CNTN5: variants seen among roughly 807,000 people sequenced by gnomAD.
CNTN5 encodes the protein contactin-5.
CNTN5 carries 77 observed loss-of-function variants against 129.1 expected under a neutral mutation model. The ratio of observed to expected loss-of-function variants is 0.60; its 90% CI spans 0.50 to 0.72. CNTN5 has a LOEUF of 0.72. Among genes scored for constraint, CNTN5 ranks in the 30% least tolerant of loss-of-function variants. The probability of loss-of-function intolerance (pLI) is 0.00; values close to 1 mark genes in which losing one functional copy is unlikely to be tolerated. For missense variants in CNTN5, 1,478 were observed against 1,328.8 expected (o/e 1.11, Z -1.75); for synonymous variants, 509 against 465.6 (o/e 1.09, Z -1.20).
intron 9 of CNTN5, among the ~76,000 whole-genome samples, chr11:100,053,619 G>A (rs772498088): frequency 6.6e-6 from 1 of 151,666 alleles, no homozygotes; most frequent in Non-Finnish European, 1.5e-5. Context: ...TACACTGTTG[G>A]TAGACATGTT....
At chr11:99,499,136 C>T (rs1946336646) in intron 2 of CNTN5, among the ~76,000 whole-genome samples, 1 of 152,150 alleles carries the variant, frequency 6.6e-6, no homozygotes, top group Admixed American at 6.6e-5. Context: ...GTCACTGCTA[C>T]TTTGAATTCT....
chr11:99,776,397 G>GA (rs1945125505), intron 3 of CNTN5, among the ~76,000 whole-genome samples: 1 of 151,824 alleles, frequency 6.6e-6, no homozygotes, highest in Non-Finnish European at 1.5e-5. Context: ...ACCATTTATA[G>GA]AAAAAATTTC....
intron 24 of CNTN5, among the ~76,000 whole-genome samples, chr11:100,353,529 C>T (rs1160469754): frequency 6.6e-6 from 1 of 151,572 alleles, no homozygotes; most frequent in African/African-American, 2.4e-5. Context: ...ATAAAAGTGT[C>T]AGGTAAGTTG....
chr11:99,667,351 G>A (rs938554232), intron 3 of CNTN5, among the ~76,000 whole-genome samples: 1 of 152,040 alleles, frequency 6.6e-6, no homozygotes, highest in African/African-American at 2.4e-5. Flanking sequence ...ACCTTCCTGA[G>A]TTATGTATAA....
chr11:99,879,052 C>T (rs1483453370), intron 6 of CNTN5, among the ~76,000 whole-genome samples: 1 of 151,980 alleles, frequency 6.6e-6, no homozygotes, highest in African/African-American at 2.4e-5. Context: ...ATTCTCCTGC[C>T]TCAGCCTCCC....
intron 2 of CNTN5, among the ~76,000 whole-genome samples, chr11:99,390,957 G>T (rs936589463): frequency 6.6e-6 from 1 of 151,694 alleles, no homozygotes; most frequent in African/African-American, 2.4e-5. Flanking sequence ...TAGTTTCTTT[G>T]TACCAGTAAT....
At chr11:99,326,812 A>C (rs1256095828) in intron 2 of CNTN5, among the ~76,000 whole-genome samples, 1 of 152,178 alleles carries the variant, frequency 6.6e-6, no homozygotes, top group Non-Finnish European at 1.5e-5. Flanking sequence ...CATGGGAAAA[A>C]ATTGAGTTCC....
At chr11:100,296,840 T>C (rs1207428217) in intron 18 of CNTN5, among the ~76,000 whole-genome samples, 1 of 151,522 alleles carries the variant, frequency 6.6e-6, no homozygotes, top group African/African-American at 2.4e-5. Flanking sequence ...CGTTTAAAAA[T>C]GATATGCCGG....
Position 99,786,972 on chromosome 11 carries a change from A to G in CNTN5, c.56-32572A>G, listed in dbSNP as rs531243841. On this transcript the variant is annotated intron_variant, in intron 3 of 24. Transcript: ENST00000524871. ...CAAATTCTTATTTAGATAACTTCTT[A>G]GAAACATTTAGATGTAACAAAATGA... Among the ~76,000 whole-genome samples the G allele has an allele frequency of 1.1e-3, 161 of 152,326 alleles. 1 individual carries two copies. The highest frequency in any genetic ancestry group is 1.9e-3 in the Non-Finnish European group (127 of 68,016).
At chr11:99,175,675 A>G (rs1054317434) in intron 1 of CNTN5, among the ~76,000 whole-genome samples, 3 of 152,144 alleles carry the variant, frequency 2.0e-5, no homozygotes, top group African/African-American at 7.2e-5. Context: ...AAACCCCAGA[A>G]AAACTTTCCC....
intron 13 of CNTN5, among the ~76,000 whole-genome samples, chr11:100,101,312 G>A (rs12288349): frequency 0.011 from 1,647 of 152,184 alleles, 36 homozygotes; most frequent in African/African-American, 0.037. Context: ...AAACAGACAT[G>A]ATATTCTGAC....
intron 3 of CNTN5, among the ~76,000 whole-genome samples, chr11:99,679,197 A>AATATATATAT (rs34768290): frequency 4.9e-4 from 71 of 146,090 alleles, no homozygotes; most frequent in African/African-American, 1.7e-3. Flanking sequence ...ATATATAGGG[A>AATATATATAT]ATATATATAT....
chr11:99,675,520 T>C lies in CNTN5; in HGVS notation c.55+119251T>C, dbSNP rs115982021. Among the ~76,000 whole-genome samples the C allele has an allele frequency of 9.2e-3, 1,394 of 152,194 alleles. 22 individuals are homozygous for C. Among genetic ancestry groups the C allele is most frequent in the African/African-American group, 0.031 (1,270 of 41,520 alleles). On this transcript the variant is annotated intron_variant, in intron 3 of 24. Transcript: ENST00000524871. ...CAACATGGTGAAACCCTGTTTCTGC[T>C]AAAATATAAAAGATATTAGCTGGGC...
chr11:100,074,116 T>G, intron 12 of CNTN5, 28 bp from the exon 13 acceptor site: 1 of 1,596,522 alleles, frequency 6.3e-7, no homozygotes, highest in African/African-American at 1.4e-5. Flanking sequence ...TTGCTTCTGG[T>G]AGAAACTAAC....
At chr11:99,718,457 A>G (rs771066990) in intron 3 of CNTN5, among the ~76,000 whole-genome samples, 17 of 152,182 alleles carry the variant, frequency 1.1e-4, no homozygotes, top group Non-Finnish European at 2.1e-4. Context: ...ATTCTGATAT[A>G]TGGCCAATTT....
intron 17 of CNTN5, among the ~76,000 whole-genome samples, chr11:100,262,795 G>A (rs1262036011): frequency 1.3e-5 from 2 of 152,056 alleles, no homozygotes; most frequent in East Asian, 1.9e-4. Context: ...GCCAGGGAGT[G>A]GGGTCCTAGG....
Position 100,245,400 on chromosome 11 carries a change from C to T in CNTN5, c.2006-10360C>T, listed in dbSNP as rs548024727. Among the ~76,000 whole-genome samples, 3 of 152,104 alleles carry T rather than the reference C, an allele frequency of 2.0e-5. No individual in the cohort carries two copies. The South Asian group carries it at 6.2e-4, about 32-fold the overall frequency. On this transcript the variant is annotated intron_variant, in intron 16 of 24. Coordinates refer to ENST00000524871, the MANE Select transcript of CNTN5 (RefSeq NM_014361.4). ...ACAAGTCTCTGTCACAAGAAGATTGCCGTGATCTGATTGGCTTAGGCCTAG... is the reference window on the plus strand; with the variant it reads ...ACAAGTCTCTGTCACAAGAAGATTGTCGTGATCTGATTGGCTTAGGCCTAG...
At chr11:100,122,731 G>A (rs1262905334) in intron 13 of CNTN5, among the ~76,000 whole-genome samples, 6 of 152,050 alleles carry the variant, frequency 3.9e-5, no homozygotes, top group Non-Finnish European at 7.4e-5. Flanking sequence ...CAGAGGGGAG[G>A]TCAGAGCCAA....
At chr11:100,000,686 C>T (rs1389547513) in intron 8 of CNTN5, among the ~76,000 whole-genome samples, 5 of 152,200 alleles carry the variant, frequency 3.3e-5, no homozygotes, top group Non-Finnish European at 7.3e-5. Context: ...CTCTGCATTG[C>T]CCTAGTAGAG....
Sources: gnomAD v4.1 joint callset for allele counts (sites outside exome capture counted in the v4.1 genomes callset) on GRCh38, gnomAD v4.1.1 for gene constraint, MANE v1.5 for transcripts, NCBI Gene and HGNC (gene_info 2026-07-23, HGNC 2026-07-21) for gene names.